HPCAL1: variants seen among roughly 807,000 people sequenced by gnomAD.
HPCAL1 encodes hippocalcin-like protein 1.
In HPCAL1, 8 loss-of-function variants were observed where a neutral mutation model predicts 17.1. The observed-to-expected ratio is 0.47, with a 90% confidence interval of 0.27 to 0.84. The LOEUF is 0.84. HPCAL1 is among the 40% of genes least tolerant of loss of function. The pLI is 0.13. For missense variants in HPCAL1, 165 were observed against 271.1 expected (o/e 0.61, Z 2.75); for synonymous variants, 112 against 111.4 (o/e 1.01, Z -0.03).
At chr2:10,381,343 C>T (rs1667930182) in intron 1 of HPCAL1, among the ~76,000 whole-genome samples, 1 of 152,244 alleles carries the variant, frequency 6.6e-6, no homozygotes, top group African/African-American at 2.4e-5. Context: ...CCTTGACTCT[C>T]CCTTCCCGCT....
chr2:10,380,260 T>A (rs1558501843), intron 1 of HPCAL1, among the ~76,000 whole-genome samples: 1 of 152,158 alleles, frequency 6.6e-6, no homozygotes, highest in Non-Finnish European at 1.5e-5. Context: ...TGAGGAAGTG[T>A]GTGGGCAGGT....
At chr2:10,413,330 C>G (rs530732006) in intron 2 of HPCAL1, among the ~76,000 whole-genome samples, 1 of 152,364 alleles carries the variant, frequency 6.6e-6, no homozygotes, top group Admixed American at 6.5e-5. Context: ...CACTGGAATA[C>G]CAGCTTTGTC....
rs569824647 is a variant in HPCAL1, at chr2:10,368,318, G to A, written c.-110-28517G>A. 6.6e-5 allele frequency among the ~76,000 whole-genome samples: 10 copies of A among 151,772 alleles called. No individual in the cohort carries two copies. In the South Asian group the frequency reaches 1.3e-3, roughly 19 times the overall value. ...TGTGCATGTGTGTGCACATATGCAC[G>A]TGTGGGTGTGTGTGCAGTGTGTGTA... On this transcript the variant is annotated intron_variant, in intron 1 of 4. Coordinates refer to ENST00000307845, the MANE Select transcript of HPCAL1 (RefSeq NM_002149.4).
At chr2:10,345,891 C>T (rs530402849) in intron 1 of HPCAL1, among the ~76,000 whole-genome samples, 47 of 152,172 alleles carry the variant, frequency 3.1e-4, no homozygotes, top group Non-Finnish European at 4.3e-4. Context: ...ACAAAAGGGG[C>T]AAGGACTGCG....
intron 1 of HPCAL1, among the ~76,000 whole-genome samples, chr2:10,340,439 A>G (rs1665005386): frequency 6.6e-6 from 1 of 152,250 alleles, no homozygotes; most frequent in Non-Finnish European, 1.5e-5. Flanking sequence ...TGTTCTAGTT[A>G]TTAATGTGCC....
chr2:10,345,195 C>T (rs1323568766), intron 1 of HPCAL1, among the ~76,000 whole-genome samples: 2 of 152,130 alleles, frequency 1.3e-5, no homozygotes, highest in South Asian at 4.1e-4. Flanking sequence ...GCCTGCCTGT[C>T]TGTCTGTCTC....
rs1664406643 is a variant in HPCAL1 at position 10,331,906 on chromosome 2, TCTC to T, written c.-111+28733_-111+28735del. ...TGTCACCTGTTGATTCAGAGGGAGC[TCTC>T]CTCATCACCTGTTGTCATTTATGAG... On this transcript the variant is annotated intron_variant, in intron 1 of 4. Transcript: ENST00000307845. The surrounding 1 kb of genome is among the most constrained non-coding windows in gnomAD (Gnocchi z 5.0). Among the ~76,000 whole-genome samples, 1 of 151,214 alleles carries T rather than the reference TCTC, an allele frequency of 6.6e-6. No homozygotes were observed. The highest frequency in any genetic ancestry group is 2.4e-5 in the African/African-American group (1 of 40,884).
intron 1 of HPCAL1, among the ~76,000 whole-genome samples, chr2:10,369,446 C>A (rs1297309910): frequency 3.3e-5 from 5 of 152,230 alleles, no homozygotes; most frequent in Non-Finnish European, 5.9e-5. Flanking sequence ...GCCTCTGAGT[C>A]CATAGTACTT....
rs1413104257 is a variant in HPCAL1, at chr2:10,363,233, G to C, written c.-110-33602G>C. On this transcript the variant is annotated intron_variant, in intron 1 of 4. Transcript: ENST00000307845. This position sits in a 1 kb window ranked among gnomAD's most constrained non-coding sequence, Gnocchi z 4.7. ...TTGTTATTTTTTGTAAATGCATTAG[G>C]GGCGGAGTGGTGGGAGAGTGATTCC... Among the ~76,000 whole-genome samples the C allele has an allele frequency of 6.6e-6, 1 of 152,168 alleles. No homozygotes were observed. Among genetic ancestry groups the C allele is most frequent in the East Asian group, 1.9e-4 (1 of 5,198 alleles).
At chr2:10,386,848 C>T (rs944903192) in intron 1 of HPCAL1, among the ~76,000 whole-genome samples, 1 of 152,224 alleles carries the variant, frequency 6.6e-6, no homozygotes, top group Non-Finnish European at 1.5e-5. Context: ...CCGCCTTGCA[C>T]GGCATTGCTT....
At chr2:10,320,075 T>C (rs1663575521) in intron 1 of HPCAL1, among the ~76,000 whole-genome samples, 1 of 151,950 alleles carries the variant, frequency 6.6e-6, no homozygotes, top group South Asian at 2.1e-4. Context: ...TTGCTTGGGG[T>C]TGCCTCCTCC....
rs780643099 is a variant in HPCAL1 at position 10,377,178 on chromosome 2, G to A, written c.-110-19657G>A. 6.6e-6 allele frequency among the ~76,000 whole-genome samples: 1 copy of A among 152,146 alleles called. No individual in the cohort carries two copies. The highest frequency in any genetic ancestry group is 6.5e-5 in the Admixed American group (1 of 15,286). On this transcript the variant is annotated intron_variant, in intron 1 of 4. Transcript: ENST00000307845. This position sits in a 1 kb window ranked among gnomAD's most constrained non-coding sequence, Gnocchi z 5.9. ...GAACATCCTGCTGTTCAATAGTGAG[G>A]CTGCATCCTTCTAGAAAGCGCTGTT...
intron 1 of HPCAL1, among the ~76,000 whole-genome samples, chr2:10,322,041 G>A (rs928256645): frequency 3.3e-5 from 5 of 151,880 alleles, no homozygotes; most frequent in Admixed American, 3.3e-4. Context: ...TATTTTTTTA[G>A]AGACAAGGTC....
At chr2:10,411,139 C>A (rs1309753027) in intron 2 of HPCAL1, among the ~76,000 whole-genome samples, 1 of 152,152 alleles carries the variant, frequency 6.6e-6, no homozygotes, top group Non-Finnish European at 1.5e-5. Context: ...CATAAAAGTT[C>A]CAGTGGGGAG....
At chr2:10,351,712 T>A (rs1465128772) in intron 1 of HPCAL1, among the ~76,000 whole-genome samples, 1 of 151,948 alleles carries the variant, frequency 6.6e-6, no homozygotes, top group Non-Finnish European at 1.5e-5. Flanking sequence ...TGAGCCATGA[T>A]CGTGCCACTG....
At position 10,395,984 on chromosome 2, in the gene HPCAL1, A is replaced by AT. The variant is rs1668998942; in HGVS notation, c.-110-850dup. On this transcript the variant is annotated intron_variant, in intron 1 of 4. Coordinates refer to ENST00000307845, the MANE Select transcript of HPCAL1 (RefSeq NM_002149.4). This position sits in a 1 kb window ranked among gnomAD's most constrained non-coding sequence, Gnocchi z 4.4. Reference sequence around the variant, plus strand: ...TTCACGGAGGAGGAGTCACCAATCCATGCCCGGGGAGCAGGCAGAGAAGAG... The same window carrying AT: ...TTCACGGAGGAGGAGTCACCAATCCATTGCCCGGGGAGCAGGCAGAGAAGAG... Among the ~76,000 whole-genome samples the AT allele has an allele frequency of 3.3e-5, 5 of 152,310 alleles. No homozygotes were observed. Among genetic ancestry groups the AT allele is most frequent in the Admixed American group, 3.3e-4 (5 of 15,298 alleles).
Position 10,377,831 on chromosome 2 carries a change from G to A in HPCAL1, c.-110-19004G>A, listed in dbSNP as rs533681292. On this transcript the variant is annotated intron_variant, in intron 1 of 4. Transcript: ENST00000307845. The surrounding 1 kb of genome is among the most constrained non-coding windows in gnomAD (Gnocchi z 5.9). Reference sequence around the variant, plus strand: ...ATCCCCAGGGTGGTGAGCCACCGAGGGGGGCCAGGCACGGGGGAGGGTATT... The same window carrying A: ...ATCCCCAGGGTGGTGAGCCACCGAGAGGGGCCAGGCACGGGGGAGGGTATT... 9.2e-5 allele frequency among the ~76,000 whole-genome samples: 14 copies of A among 152,350 alleles called. No individual in the cohort carries two copies. In the East Asian group the frequency reaches 2.7e-3, roughly 29 times the overall value.
At position 10,395,113 on chromosome 2, in the gene HPCAL1, AACACACAC is replaced by A. The variant is rs55678486; in HGVS notation, c.-110-1683_-110-1676del. Reference sequence around the variant, plus strand: ...TGTCCAGCCTAAAATCTATCTTTAAAACACACACACACACACACACACACACACACACA... The same window carrying A: ...TGTCCAGCCTAAAATCTATCTTTAAAACACACACACACACACACACACACA... On this transcript the variant is annotated intron_variant, in intron 1 of 4. Coordinates refer to ENST00000307845, the MANE Select transcript of HPCAL1 (RefSeq NM_002149.4). The surrounding 1 kb of genome is among the most constrained non-coding windows in gnomAD (Gnocchi z 4.4). 0.018 allele frequency among the ~76,000 whole-genome samples: 2,486 copies of A among 138,446 alleles called. 49 individuals carry two copies. Among genetic ancestry groups the A allele is most frequent in the African/African-American group, 0.055 (2,004 of 36,704 alleles). 90.8% of individuals were successfully genotyped at this position (138,446 alleles called of 152,430 possible).
At chr2:10,425,532 C>CAG (rs1671349941) in intron 4 of HPCAL1, 1 of 152,320 alleles carries the variant, frequency 6.6e-6, no homozygotes, top group African/African-American at 2.4e-5. Context: ...CCCTACTGTG[C>CAG]AGGGGCATCC....
Sources: gnomAD v4.1 joint callset for allele counts (sites outside exome capture counted in the v4.1 genomes callset) on GRCh38, gnomAD v4.1.1 for gene constraint, Gnocchi (gnomAD v3.1) non-coding constraint, MANE v1.5 for transcripts, NCBI Gene and HGNC (gene_info 2026-07-23, HGNC 2026-07-21) for gene names.